The following NCKAP5L variants were observed in gnomAD, a reference collection of about 807,000 sequenced individuals.
The protein encoded by NCKAP5L is NCK associated protein 5 like.
NCKAP5L carries 54 observed loss-of-function variants against 103.2 expected under a neutral mutation model. The ratio of observed to expected loss-of-function variants is 0.52; its 90% CI spans 0.42 to 0.66. The LOEUF (loss-of-function observed/expected upper bound fraction) is 0.66. Among genes scored for constraint, NCKAP5L ranks in the 30% least tolerant of loss-of-function variants. The pLI is 0.00. For synonymous variants in NCKAP5L, 762 were observed against 748.6 expected, an observed-to-expected ratio of 1.02 and a Z score of -0.29; for missense variants, 1,733 against 1,750.6, an observed-to-expected ratio of 0.99 and a Z score of 0.18.
intron 1 of NCKAP5L, among the ~76,000 whole-genome samples, chr12:49,823,210 G>A (rs1298078486): frequency 6.6e-6 from 1 of 152,100 alleles, no homozygotes; most frequent in Non-Finnish European, 1.5e-5. Context: ...CTGGGAAGGG[G>A]GACAGTCTGG....
chr12:49,792,225 T>C lies in NCKAP5L; in HGVS notation c.3793-174A>G, dbSNP rs1945947589. On this transcript the variant is annotated intron_variant, in intron 12 of 12. Transcript: ENST00000335999. The surrounding 1 kb of genome is among the most constrained non-coding windows in gnomAD (Gnocchi z 4.5). Reference sequence around the variant, plus strand: ...CTGGAGGTACAACTGAGAACAGTCCTACAAGGTTCTGGGGAGGGACAGAAA... The same window carrying C: ...CTGGAGGTACAACTGAGAACAGTCCCACAAGGTTCTGGGGAGGGACAGAAA... 7.3e-6 allele frequency: 8 copies of C among 1,101,110 alleles called. No individual in the cohort carries two copies. Among genetic ancestry groups the C allele is most frequent in the South Asian group, 1.4e-5 (1 of 73,892 alleles). 68.2% of individuals were successfully genotyped at this position (1,101,110 alleles called of 1,614,324 possible). A position where few individuals can be genotyped will look rare whatever the true frequency, so the allele number is the denominator to read the frequency against.
At chr12:49,804,588 T>A (rs934546271) in intron 2 of NCKAP5L, 1 of 152,280 alleles carries the variant, frequency 6.6e-6, no homozygotes, top group Non-Finnish European at 1.5e-5. Flanking sequence ...AGCAGGCACA[T>A]GCTTTAGATA....
At chr12:49,808,527 G>T (rs1260305115) in intron 1 of NCKAP5L, among the ~76,000 whole-genome samples, 1 of 152,208 alleles carries the variant, frequency 6.6e-6, no homozygotes, top group Non-Finnish European at 1.5e-5. Context: ...AAAACTTCCT[G>T]CGTCCTTACC....
intron 1 of NCKAP5L, among the ~76,000 whole-genome samples, chr12:49,827,424 A>C (rs1159484840): frequency 1.3e-5 from 2 of 152,224 alleles, no homozygotes; most frequent in Non-Finnish European, 2.9e-5. Context: ...GGATGCCTGG[A>C]AAACCAGGCC....
Position 49,791,870 on chromosome 12 carries a change from T to A in NCKAP5L, c.3974A>T (p.Asp1325Val), listed in dbSNP as rs775660176. The A allele has an allele frequency of 6.2e-7, 1 of 1,610,664 alleles. No homozygotes were observed. Among genetic ancestry groups the A allele is most frequent in the South Asian group, 1.1e-5 (1 of 90,672 alleles). The change falls in exon 13 of 13, where the codon GAC becomes GTC. Residue 1325 changes from aspartate to valine, a missense_variant. Transcript: ENST00000335999. Reference protein sequence around the residue: ...TSESLSDSLYDSLSSCGSQG With the variant: ...TSESLSDSLYVSLSSCGSQG ...CTGACTCCCACAAGAGGACAGCGAG[T>A]CGTAGAGTGAGTCACTGAGAGACTC...
intron 1 of NCKAP5L, among the ~76,000 whole-genome samples, chr12:49,825,537 A>G (rs1295729725): frequency 6.6e-6 from 1 of 152,168 alleles, no homozygotes; most frequent in Admixed American, 6.5e-5. Flanking sequence ...GCCACACCCC[A>G]AGAGGGAACA....
chr12:49,805,854 A>G (rs1356429696), intron 2 of NCKAP5L, 126 bp downstream of exon 2: 1 of 152,218 alleles, frequency 6.6e-6, no homozygotes, highest in Non-Finnish European at 1.5e-5. Context: ...CTTTTGGACT[A>G]TAGGAGAGAG....
Position 49,796,596 on chromosome 12 carries a change from C to T in NCKAP5L, c.1264G>A (p.Gly422Ser). 2 of 1,602,246 alleles carry T rather than the reference C, an allele frequency of 1.2e-6. No individual in the cohort carries two copies. Among genetic ancestry groups the T allele is most frequent in the Non-Finnish European group, 1.7e-6 (2 of 1,175,538 alleles). Residue 422 changes from glycine to serine, a missense_variant, in exon 8 of 13, where the codon GGC becomes AGC. Coordinates refer to ENST00000335999, the MANE Select transcript of NCKAP5L (RefSeq NM_001037806.4). ...ACCTGAGATGAGGAATGGGGGTGGC[C>T]AGGCCGAGAGCCCAGTGGGGCATCC... ...AGDAPLGSRP[G>S]HPHSSSQVKS...
In NCKAP5L at chr12:49,798,328, C is replaced by T. The variant is rs897055; in HGVS notation, c.465+22G>A. On this transcript the variant is annotated intron_variant, in intron 7 of 12. Transcript: ENST00000335999. ...CTAGGAAACATCAGTGGAGTACTGA[C>T]CACAATACCTAGCCCTCCTACCTCT... The T allele has an allele frequency of 0.01, 15,922 of 1,531,404 alleles. 517 individuals are homozygous for T. In the East Asian group the frequency reaches 0.13, roughly 12 times the overall value. The allele number at this position is 1,531,404 out of a possible 1,614,324, so 94.9% of individuals were successfully genotyped here. A position where few individuals can be genotyped will look rare whatever the true frequency, so the allele number is the denominator to read the frequency against.
Position 49,793,396 on chromosome 12 carries a change from G to T in NCKAP5L, c.3296C>A (p.Ser1099Ter). 1 of 1,608,922 alleles carries T rather than the reference G, an allele frequency of 6.2e-7. No homozygotes were observed. The change falls in exon 10 of 13, where the codon TCG becomes TAG. Residue 1099 changes from serine to a stop codon, truncating the protein, a stop_gained. Coordinates refer to ENST00000335999, the MANE Select transcript of NCKAP5L (RefSeq NM_001037806.4). LOFTEE classifies it high-confidence loss of function. The part of the protein sequence containing the change: ...SEPGRREEMP[S>*]EDSLAEPVPT... ...CACTGGCTCGGCCAGGCTGTCCTCC[G>T]AGGGCATCTCTTCCCGCCTCCCTGG...
intron 1 of NCKAP5L, among the ~76,000 whole-genome samples, chr12:49,827,504 C>T (rs1298554199): frequency 1.3e-5 from 2 of 152,246 alleles, no homozygotes; most frequent in African/African-American, 4.8e-5. Context: ...GACCTTGGGC[C>T]CAGGACAGGG....
intron 6 of NCKAP5L, 66 bp downstream of exon 6, chr12:49,801,782 T>C: frequency 6.3e-7 from 1 of 1,593,336 alleles, no homozygotes; most frequent in Middle Eastern, 1.7e-4. Flanking sequence ...AAGACAGTGA[T>C]GGGGCCGATG....
chr12:49,801,924 T>C lies in NCKAP5L; in HGVS notation c.275A>G (p.Asp92Gly). 6.2e-7 allele frequency: 1 copy of C among 1,613,922 alleles called. No homozygotes were observed. Among genetic ancestry groups the C allele is most frequent in the Non-Finnish European group, 8.5e-7 (1 of 1,179,856 alleles). The change falls in exon 6 of 13, where the codon GAC (aspartate) becomes GGC (glycine). Residue 92 changes from aspartate to glycine, a missense_variant. Transcript: ENST00000335999. The stretch of plus-strand genomic sequence containing the variant: ...CAGCATCTGGTTCTGCCGTTCCAGG[T>C]CAAACACTCTCTTCTTCAGCTTGAT... Reference protein sequence around the residue: ...ECIKLKKRVFDLERQNQMLSA... With the variant: ...ECIKLKKRVFGLERQNQMLSA...
At position 49,791,782 on chromosome 12, in the gene NCKAP5L, G is replaced by A; in HGVS notation, c.*57C>T. Reference sequence around the variant, plus strand: ...CGTCTCCGGGGGCTGGGCATGAAGAGAGCCGGTCCAGTCTGTGGTCCCCAG... The same window carrying A: ...CGTCTCCGGGGGCTGGGCATGAAGAAAGCCGGTCCAGTCTGTGGTCCCCAG... On this transcript the variant is annotated 3_prime_UTR_variant, in exon 13 of 13. Coordinates refer to ENST00000335999, the MANE Select transcript of NCKAP5L (RefSeq NM_001037806.4). 7.0e-7 allele frequency: 1 copy of A among 1,436,114 alleles called. No homozygotes were observed. Among genetic ancestry groups the A allele is most frequent in the Non-Finnish European group, 9.3e-7 (1 of 1,072,414 alleles). 89.0% of individuals were successfully genotyped at this position (1,436,114 alleles called of 1,614,324 possible).
At chr12:49,825,744 C>T (rs919652727) in intron 1 of NCKAP5L, among the ~76,000 whole-genome samples, 5 of 152,184 alleles carry the variant, frequency 3.3e-5, no homozygotes, top group African/African-American at 7.2e-5. Context: ...GGGCCCAGGG[C>T]AGAGGGCTTC....
At position 49,796,802 on chromosome 12, in the gene NCKAP5L, TC is replaced by T; in HGVS notation, c.1057del (p.Asp353ThrfsTer78). 2 of 1,613,522 alleles carry T rather than the reference TC, an allele frequency of 1.2e-6. No homozygotes were observed. Among genetic ancestry groups the T allele is most frequent in the Non-Finnish European group, 8.5e-7 (1 of 1,179,818 alleles). On this transcript the variant is annotated frameshift_variant, in exon 8 of 13. Transcript: ENST00000335999. LOFTEE classifies it high-confidence loss of function. Reference protein sequence around the residue: ...LAGAAGPLNGDHPGPGQSSSP... With the variant: ...LAGAAGPLNGXHPGPGQSSSP... Reference sequence around the variant, plus strand: ...GGATGACTGCCCAGGACCTGGGTGGTCCCCATTGAGTGGGCCTGCAGCCCCG... The same window carrying T: ...GGATGACTGCCCAGGACCTGGGTGGTCCCATTGAGTGGGCCTGCAGCCCCG...
In NCKAP5L at chr12:49,817,030, T is replaced by C. The variant is rs558023520; in HGVS notation, c.-98-10989A>G. Reference sequence around the variant, plus strand: ...GCAAGAAAAAAAAATCAGTAGCCTTTCTATATGTTAACAACGAACTACCTA... The same window carrying C: ...GCAAGAAAAAAAAATCAGTAGCCTTCCTATATGTTAACAACGAACTACCTA... On this transcript the variant is annotated intron_variant, in intron 1 of 12. Coordinates refer to ENST00000335999, the MANE Select transcript of NCKAP5L (RefSeq NM_001037806.4). 1.8e-4 allele frequency among the ~76,000 whole-genome samples: 28 copies of C among 152,232 alleles called. No individual in the cohort carries two copies. The South Asian group carries it at 2.1e-3, about 11-fold the overall frequency.
chr12:49,820,640 A>G (rs912170137), intron 1 of NCKAP5L, among the ~76,000 whole-genome samples: 5 of 152,168 alleles, frequency 3.3e-5, no homozygotes, highest in African/African-American at 1.2e-4. Flanking sequence ...TCTTTCTACA[A>G]AAAGAATAGG....
In NCKAP5L at chr12:49,793,434, C is replaced by T. The variant is rs77630888; in HGVS notation, c.3259-1G>A. On this transcript the variant is annotated splice_acceptor_variant, in intron 9 of 12. Coordinates refer to ENST00000335999, the MANE Select transcript of NCKAP5L (RefSeq NM_001037806.4). LOFTEE classifies it high-confidence loss of function. ...CCCGCCTCCCTGGCTCGCTGCTCGG[C>T]TGTGTGGGATACAGGAGACCTCATA... 2 of 1,609,504 alleles carry T rather than the reference C, an allele frequency of 1.2e-6. No individual in the cohort carries two copies. The highest frequency in any genetic ancestry group is 2.2e-5 in the East Asian group (1 of 44,890).
Sources: allele counts gnomAD v4.1 joint callset (sites outside exome capture counted in the v4.1 genomes callset), GRCh38; gene constraint gnomAD v4.1.1; non-coding constraint Gnocchi (gnomAD v3.1); transcripts MANE v1.5; gene names NCBI Gene and HGNC (gene_info 2026-07-23, HGNC 2026-07-21).